Variants in HMGB1 observed in about 807,000 individuals in gnomAD.
HMGB1 encodes high mobility group box 1.
For missense variants in HMGB1, 79 were observed against 253.5 expected, an observed-to-expected ratio of 0.31 and a Z score of 4.67; for synonymous variants, 81 against 84.0, an observed-to-expected ratio of 0.96 and a Z score of 0.19.
At chr13:30,466,965 G>T (rs117077167), upstream of HMGB1, among the ~76,000 whole-genome samples, 67 of 152,304 alleles carry the variant, frequency 4.4e-4, no homozygotes, top group East Asian at 0.012. Flanking sequence ...AGGATTACAG[G>T]AGTTGTAGGT....
intron 1 of HMGB1, chr13:30,464,820 CGCGGCG>C (rs373924172): frequency 0.2 from 31,453 of 158,022 alleles, 4,148 homozygotes; most frequent in Non-Finnish European, 0.25. Flanking sequence ...AGGGTGCGGG[CGCGGCG>C]GCGGCGGCGG....
chr13:30,548,054 C>T (rs983869706), intron 1 of HMGB1, among the ~76,000 whole-genome samples: 4 of 152,112 alleles, frequency 2.6e-5, no homozygotes, highest in Admixed American at 2.6e-4. Context: ...AATAGGAATA[C>T]CACTGTTTCA....
intron 1 of HMGB1, chr13:30,465,214 C>G (rs1416437060): frequency 5.3e-6 from 3 of 570,538 alleles, no homozygotes; most frequent in Non-Finnish European, 6.6e-6. Context: ...CCGCCGCGAC[C>G]GGGCCGAGGC....
At chr13:30,607,640 A>AAT (rs1444516908) in intron 1 of HMGB1, among the ~76,000 whole-genome samples, 4 of 152,208 alleles carry the variant, frequency 2.6e-5, no homozygotes, top group Non-Finnish European at 4.4e-5. Context: ...GTCTGTCTAT[A>AAT]AATCACCTGA....
intron 1 of HMGB1, among the ~76,000 whole-genome samples, chr13:30,589,522 T>C (rs1871289421): frequency 6.6e-6 from 1 of 152,116 alleles, no homozygotes; most frequent in African/African-American, 2.4e-5. Context: ...AGAAGACATA[T>C]ATGGAAACCT....
Position 30,538,592 on chromosome 13 carries a change from T to C in HMGB1, c.-14-74898A>G, listed in dbSNP as rs144098155. 2.8e-3 allele frequency among the ~76,000 whole-genome samples: 398 copies of C among 142,508 alleles called. 32 individuals are homozygous for C. The highest frequency in any genetic ancestry group is 1.0e-2 in the African/African-American group (354 of 35,500). The allele number at this position is 142,508 out of a possible 152,430, so 93.5% of individuals were successfully genotyped here. A position where few individuals can be genotyped will look rare whatever the true frequency, so the allele number is the denominator to read the frequency against. On this transcript the variant is annotated intron_variant, in intron 1 of 4. Coordinates refer to the HMGB1 transcript ENST00000405805. ...TTTTTCTTTCTTTCTTTCTTTTTCT[T>C]TCTTCTTTTTCTTTCTTTCTCTTTC...
At chr13:30,494,597 G>A (rs1887569931) in intron 1 of HMGB1, among the ~76,000 whole-genome samples, 1 of 152,228 alleles carries the variant, frequency 6.6e-6, no homozygotes, top group South Asian at 2.1e-4. Context: ...CCAACCTCAG[G>A]TGATCCGCCC....
intron 1 of HMGB1, chr13:30,464,720 G>A (rs1489446608): frequency 4.9e-6 from 4 of 814,470 alleles, no homozygotes; most frequent in Non-Finnish European, 5.9e-6. Flanking sequence ...CGCCGCCGCC[G>A]CCGCGAGGGC....
chr13:30,494,982 A>G (rs1006896220), intron 1 of HMGB1, among the ~76,000 whole-genome samples: 1 of 152,192 alleles, frequency 6.6e-6, no homozygotes, highest in Non-Finnish European at 1.5e-5. Flanking sequence ...ATGTTCATCC[A>G]TGTTGTAGTC....
In HMGB1 at chr13:30,460,154, A is replaced by T. The variant is rs1886223635; in HGVS notation, c.*1203T>A. The T allele has an allele frequency of 6.6e-6, 1 of 152,518 alleles. No homozygotes were observed. 9.4% of individuals were successfully genotyped at this position (152,518 alleles called of 1,614,324 possible). ...AAGAAAAATCATTCAAATAAATTGA[A>T]TAATTCATACTGAGATGCAAAGTTT... On this transcript the variant is annotated 3_prime_UTR_variant, in exon 5 of 5. Transcript: ENST00000341423.
intron 1 of HMGB1, among the ~76,000 whole-genome samples, chr13:30,612,798 T>C (rs1950524401): frequency 6.6e-6 from 1 of 152,216 alleles, no homozygotes; most frequent in Admixed American, 6.5e-5. Flanking sequence ...CAACATGTTG[T>C]GTGATTACTT....
intron 1 of HMGB1, among the ~76,000 whole-genome samples, chr13:30,480,028 C>T (rs747625273): frequency 6.6e-6 from 1 of 152,200 alleles, no homozygotes; most frequent in Non-Finnish European, 1.5e-5. Context: ...TTCCCACCTT[C>T]AAGATTCTGG....
chr13:30,464,527 GC>G, intron 1 of HMGB1: 1 of 984,768 alleles, frequency 1.0e-6, no homozygotes, highest in Non-Finnish European at 1.2e-6. Context: ...AGAGGACGCG[GC>G]CCGGCTCCCA....
chr13:30,500,576 C>G (rs1329217633), intron 1 of HMGB1, among the ~76,000 whole-genome samples: 1 of 145,836 alleles, frequency 6.9e-6, no homozygotes, highest in African/African-American at 2.8e-5. Flanking sequence ...GAGTCTCATT[C>G]TGTTGCCCAG....
intron 1 of HMGB1, among the ~76,000 whole-genome samples, chr13:30,573,885 C>T (rs1035639700): frequency 6.6e-6 from 1 of 152,108 alleles, no homozygotes; most frequent in Non-Finnish European, 1.5e-5. Flanking sequence ...AACTCCTGGT[C>T]TCAAGTGATC....
upstream of HMGB1, among the ~76,000 whole-genome samples, chr13:30,470,645 TG>T (rs1337353586): frequency 6.6e-6 from 1 of 152,200 alleles, no homozygotes; most frequent in Non-Finnish European, 1.5e-5. Context: ...GGCTTTTTAT[TG>T]TTTTATTTTA....
chr13:30,558,041 T>C (rs1869763720), intron 1 of HMGB1, among the ~76,000 whole-genome samples: 1 of 152,022 alleles, frequency 6.6e-6, no homozygotes, highest in African/African-American at 2.4e-5. Context: ...ATGACATATA[T>C]ACCTAAATTA....
intron 1 of HMGB1, among the ~76,000 whole-genome samples, chr13:30,547,700 TG>T (rs1200258146): frequency 1.3e-5 from 2 of 152,046 alleles, no homozygotes; most frequent in Admixed American, 6.6e-5. Flanking sequence ...GTGGATCACT[TG>T]AAGTCAGGAG....
chr13:30,589,572 T>G (rs1335515991), intron 1 of HMGB1, among the ~76,000 whole-genome samples: 1 of 152,140 alleles, frequency 6.6e-6, no homozygotes, highest in Non-Finnish European at 1.5e-5. Flanking sequence ...AAAGGCATAA[T>G]GCCAAAATGA....
Sources: allele counts gnomAD v4.1 joint callset (sites outside exome capture counted in the v4.1 genomes callset), GRCh38; gene constraint gnomAD v4.1.1; transcripts MANE v1.5; gene names NCBI Gene and HGNC (gene_info 2026-07-23, HGNC 2026-07-21).